SEMA6D: variants seen among roughly 807,000 people sequenced by gnomAD.
The protein encoded by SEMA6D is semaphorin-6D.
SEMA6D carries 35 observed loss-of-function variants against 106.6 expected under a neutral mutation model. That is an observed-to-expected ratio of 0.33 (90% CI 0.25 to 0.44). SEMA6D has a LOEUF of 0.44. SEMA6D is among the 20% of genes least tolerant of loss of function. SEMA6D has a pLI of 1.00. For missense variants in SEMA6D, 1,185 were observed against 1,345.9 expected (o/e 0.88, Z 1.87); for synonymous variants, 499 against 487.7 (o/e 1.02, Z -0.31).
At chr15:47,354,037 T>A (rs886692200) in intron 1 of SEMA6D, among the ~76,000 whole-genome samples, 2 of 151,790 alleles carry the variant, frequency 1.3e-5, no homozygotes, top group Non-Finnish European at 2.9e-5. Context: ...TCCCCACTTA[T>A]AAGCTCTCTC....
At chr15:47,672,569 CTGGTGT>C (rs1343912419) in intron 4 of SEMA6D, among the ~76,000 whole-genome samples, 1 of 152,052 alleles carries the variant, frequency 6.6e-6, no homozygotes, top group African/African-American at 2.4e-5. Context: ...AATTATATTA[CTGGTGT>C]AATTTATTCT....
chr15:47,575,046 G>A lies in SEMA6D; in HGVS notation c.-86-25819G>A, dbSNP rs12050801. ...CAAAATGAGAGGACTTTCAAATGGT[G>A]TTTGTTAAGTTAGACCTATAAAGTG... On this transcript the variant is annotated intron_variant, in intron 3 of 19. Coordinates refer to the SEMA6D transcript ENST00000558014. Among the ~76,000 whole-genome samples the A allele has an allele frequency of 1.7e-3, 259 of 152,300 alleles. 7 individuals carry two copies. The East Asian group carries it at 0.044, about 26-fold the overall frequency.
At chr15:47,727,159 G>A (rs1394384792) in intron 1 of SEMA6D, among the ~76,000 whole-genome samples, 1 of 152,148 alleles carries the variant, frequency 6.6e-6, no homozygotes, top group African/African-American at 2.4e-5. Flanking sequence ...TTAAAAATCT[G>A]AATAATGTCA....
intron 4 of SEMA6D, among the ~76,000 whole-genome samples, chr15:47,709,576 A>G (rs1303844099): frequency 1.3e-5 from 2 of 152,190 alleles, no homozygotes; most frequent in African/African-American, 4.8e-5. Flanking sequence ...TGAGTGAATG[A>G]TCCTGCCCCC....
intron 3 of SEMA6D, among the ~76,000 whole-genome samples, chr15:47,586,728 A>G (rs1368026576): frequency 2.0e-5 from 3 of 152,098 alleles, no homozygotes; most frequent in Non-Finnish European, 2.9e-5. Context: ...AATTAAATGA[A>G]TTGTCTTCGA....
At chr15:47,430,746 G>A (rs747882541) in intron 2 of SEMA6D, among the ~76,000 whole-genome samples, 8 of 152,068 alleles carry the variant, frequency 5.3e-5, no homozygotes, top group South Asian at 2.1e-4. Flanking sequence ...AAGTCCAGGC[G>A]TCATCTCATG....
chr15:47,270,201 TTGTA>T (rs1039997586), intron 1 of SEMA6D, among the ~76,000 whole-genome samples: 36 of 148,678 alleles, frequency 2.4e-4, no homozygotes, highest in African/African-American at 8.5e-4. Flanking sequence ...TATGTTATAT[TTGTA>T]TGTATATGTA....
chr15:47,362,046 A>G (rs371195655), intron 1 of SEMA6D, among the ~76,000 whole-genome samples: 1 of 152,238 alleles, frequency 6.6e-6, no homozygotes, highest in Admixed American at 6.5e-5. Flanking sequence ...ATTACAAAAC[A>G]TTGATTTCTG....
chr15:47,598,075 G>T (rs1244745096), intron 3 of SEMA6D, among the ~76,000 whole-genome samples: 1 of 151,846 alleles, frequency 6.6e-6, no homozygotes, highest in African/African-American at 2.4e-5. Context: ...ATAATATTGT[G>T]CACTAAGAAT....
At chr15:47,704,755 C>A (rs1315071818) in intron 4 of SEMA6D, among the ~76,000 whole-genome samples, 1 of 152,136 alleles carries the variant, frequency 6.6e-6, no homozygotes. Flanking sequence ...TGATTAACAC[C>A]TTCAAAATAA....
chr15:47,403,098 A>G (rs1193232051), intron 1 of SEMA6D, among the ~76,000 whole-genome samples: 1 of 151,242 alleles, frequency 6.6e-6, no homozygotes, highest in Non-Finnish European at 1.5e-5. Context: ...ACTATCTTGC[A>G]GTCCACCTGA....
At chr15:47,501,487 T>C (rs959644059) in intron 3 of SEMA6D, among the ~76,000 whole-genome samples, 4 of 152,176 alleles carry the variant, frequency 2.6e-5, no homozygotes, top group Non-Finnish European at 4.4e-5. Flanking sequence ...ACCTTGTAAA[T>C]GGGACATCGT....
rs1326225484 is a variant in SEMA6D at position 47,772,701 on chromosome 15, T to C, written c.*916T>C. On this transcript the variant is annotated 3_prime_UTR_variant, in exon 19 of 19. Coordinates refer to ENST00000536845, the MANE Select transcript of SEMA6D (RefSeq NM_001358351.3). ...GAGGTATCCTTGATTTATTTTCCAG[T>C]ATTCAGTAGTAAAATTTTCCTGTCC... 6.6e-6 allele frequency: 1 copy of C among 152,434 alleles called. No individual in the cohort carries two copies. Among genetic ancestry groups the C allele is most frequent in the African/African-American group, 2.4e-5 (1 of 41,374 alleles). 9.4% of individuals were successfully genotyped at this position (152,434 alleles called of 1,614,324 possible). A position where few individuals can be genotyped will look rare whatever the true frequency, so the allele number is the denominator to read the frequency against.
chr15:47,413,680 A>T (rs572796026), intron 2 of SEMA6D, among the ~76,000 whole-genome samples: 1 of 152,206 alleles, frequency 6.6e-6, no homozygotes, highest in South Asian at 2.1e-4. Context: ...ATAGGGTATC[A>T]CTGTGTTGTC....
rs188760161 is a variant in SEMA6D at position 47,550,267 on chromosome 15, T to A, written c.-86-50598T>A. ...AACCAAGCATCTTCTCTGGGTCCATTTTTTAATGTTAATGGTATAAAATAA... is the reference window on the plus strand; with the variant it reads ...AACCAAGCATCTTCTCTGGGTCCATATTTTAATGTTAATGGTATAAAATAA... On this transcript the variant is annotated intron_variant, in intron 3 of 19. Coordinates refer to the SEMA6D transcript ENST00000558014. Among the ~76,000 whole-genome samples the A allele has an allele frequency of 2.8e-4, 42 of 152,304 alleles. No individual in the cohort carries two copies. In the East Asian group the frequency reaches 8.1e-3, roughly 29 times the overall value.
rs915052966 is a variant in SEMA6D at position 47,709,616 on chromosome 15, G to T, written c.-54-50129G>T. Reference sequence around the variant, plus strand: ...ACTTTAGTTACAGTCTTATGCTGGGGATATATCCTTGTCACCTTGATTAGA... The same window carrying T: ...ACTTTAGTTACAGTCTTATGCTGGGTATATATCCTTGTCACCTTGATTAGA... On this transcript the variant is annotated intron_variant, in intron 4 of 19. Transcript: ENST00000558014. Among the ~76,000 whole-genome samples the T allele has an allele frequency of 2.6e-5, 4 of 152,256 alleles. No individual in the cohort carries two copies. The East Asian group carries it at 7.7e-4, about 29-fold the overall frequency.
At chr15:47,261,947 T>G (rs2142092043) in intron 1 of SEMA6D, among the ~76,000 whole-genome samples, 1 of 152,204 alleles carries the variant, frequency 6.6e-6, no homozygotes, top group Middle Eastern at 3.4e-3. Flanking sequence ...TTTGAGTTGT[T>G]TTCACCCTCT....
At chr15:47,571,821 T>C (rs1408067379) in intron 3 of SEMA6D, among the ~76,000 whole-genome samples, 1 of 152,220 alleles carries the variant, frequency 6.6e-6, no homozygotes, top group Admixed American at 6.5e-5. Context: ...TGGCTATACA[T>C]GTGTGTGTCT....
chr15:47,601,797 A>G (rs1050954909), intron 4 of SEMA6D, among the ~76,000 whole-genome samples: 2 of 152,208 alleles, frequency 1.3e-5, no homozygotes, highest in Non-Finnish European at 2.9e-5. Flanking sequence ...CTTTCTAGGT[A>G]TTAACTATGG....
Sources: allele counts gnomAD v4.1 joint callset (sites outside exome capture counted in the v4.1 genomes callset), GRCh38; gene constraint gnomAD v4.1.1; transcripts MANE v1.5; gene names NCBI Gene and HGNC (gene_info 2026-07-23, HGNC 2026-07-21).